Variants in TAF6 observed in about 807,000 individuals in gnomAD.
The protein encoded by TAF6 is TATA-box binding protein associated factor 6.
A neutral mutation model predicts 73.5 loss-of-function variants in TAF6; 50 were observed. That is an observed-to-expected ratio of 0.68 (90% CI 0.54 to 0.86). TAF6 has a LOEUF of 0.86. Ranked by LOEUF, TAF6 falls within the 40% of genes least tolerant of loss-of-function variation. The probability of loss-of-function intolerance (pLI) is 0.00; values close to 1 mark genes in which losing one functional copy is unlikely to be tolerated. For synonymous variants in TAF6, 424 were observed against 376.7 expected, an observed-to-expected ratio of 1.13 and a Z score of -1.45; for missense variants, 768 against 899.5, an observed-to-expected ratio of 0.85 and a Z score of 1.87.
chr7:100,112,399 GACCTCA>G, intron 6 of TAF6, 146 bp from the exon 7 acceptor site: 6 of 1,206,324 alleles, frequency 5.0e-6, no homozygotes, highest in Non-Finnish European at 6.8e-6. Context: ...CTCTGGCCCT[GACCTCA>G]GCCACTTCAC....
At chr7:100,115,956 CG>C (rs1263433928) in intron 1 of TAF6, among the ~76,000 whole-genome samples, 1 of 151,878 alleles carries the variant, frequency 6.6e-6, no homozygotes, top group Non-Finnish European at 1.5e-5. Context: ...GGCGACAGAG[CG>C]AGACTCTGTC....
upstream of TAF6, chr7:100,124,663 A>T (rs1562940120): frequency 9.9e-6 from 16 of 1,611,488 alleles, 1 homozygote; most frequent in African/African-American, 1.5e-4. Context: ...CTCTCCTGCC[A>T]AGCCATAGCC....
In TAF6 at chr7:100,108,496, G is replaced by A. The variant is rs775428705; in HGVS notation, c.1329C>T (p.Asp443=). 8 of 1,613,588 alleles carry A rather than the reference G, an allele frequency of 5.0e-6. No homozygotes were observed. The highest frequency in any genetic ancestry group is 4.0e-5 in the African/African-American group (3 of 74,934). ...PVLAKLRPPP[D]NQDAYRAEFG... is the part of the protein sequence containing the mutation. ...ATTCTGCCCGATAGGCGTCCTGATT[G>A]TCAGGCGGTGGGCGCAGCTTTGCCA... The change falls in exon 13 of 15, where the codon GAC becomes GAT. Residue 443 remains aspartate (D), a synonymous_variant. Transcript: ENST00000453269.
intron 6 of TAF6, among the ~76,000 whole-genome samples, chr7:100,112,586 G>GC: frequency 1.3e-5 from 2 of 152,282 alleles, no homozygotes; most frequent in South Asian, 4.1e-4. Flanking sequence ...GTGGTGGTGG[G>GC]CACCTGTAAG....
upstream of TAF6, chr7:100,122,305 C>A (rs143338443): frequency 5.0e-6 from 8 of 1,613,950 alleles, no homozygotes; most frequent in Admixed American, 1.7e-5. Context: ...TGAGTCGCAC[C>A]GGTCGATCTC....
rs1164745863 is a variant in TAF6 at position 100,108,036 on chromosome 7, G to A, written c.1546C>T (p.Pro516Ser). Residue 516 changes from proline to serine, a missense_variant, in exon 14 of 15, where the codon CCT (proline) becomes TCT (serine). By Grantham distance (74) the Pro-to-Ser change is moderately conservative (BLOSUM62 -1). Coordinates refer to ENST00000453269, the MANE Select transcript of TAF6 (RefSeq NM_139315.3). ...LLKVPGSIAL[P>S]VQTLVSARAA... Reference sequence around the variant, plus strand: ...CGTGCAGACACCAGTGTCTGGACAGGAAGTGCGATGGAGCCAGGAACCTTC... The same window carrying A: ...CGTGCAGACACCAGTGTCTGGACAGAAAGTGCGATGGAGCCAGGAACCTTC... The A allele has an allele frequency of 1.9e-6, 3 of 1,613,700 alleles. No homozygotes were observed. The highest frequency in any genetic ancestry group is 1.7e-6 in the Non-Finnish European group (2 of 1,179,954).
At chr7:100,124,502 C>G, upstream of TAF6, 1 of 1,595,048 alleles carries the variant, frequency 6.3e-7, no homozygotes. Context: ...TCTGGCCCTT[C>G]TACTTGACCA....
chr7:100,108,791 T>G (rs748680806), intron 12 of TAF6: 6 of 351,956 alleles, frequency 1.7e-5, no homozygotes, highest in South Asian at 6.8e-5. Flanking sequence ...ATCCCAGCAC[T>G]TGGGAGGCTG....
upstream of TAF6, among the ~76,000 whole-genome samples, chr7:100,123,132 A>G (rs1798117630): frequency 1.3e-5 from 2 of 152,126 alleles, no homozygotes; most frequent in Admixed American, 1.3e-4. Context: ...ACCTGAGGTC[A>G]TAAGTTCGAG....
At chr7:100,124,736 G>A, upstream of TAF6, 1 of 1,613,910 alleles carries the variant, frequency 6.2e-7, no homozygotes, top group Admixed American at 1.7e-5. Context: ...ATGTCTACAG[G>A]AAACTTGGAC....
At position 100,110,075 on chromosome 7, in the gene TAF6, T is replaced by C; in HGVS notation, c.1159-2A>G. ...GGGCAGAATCAGAGTCTTGATAACCTGTTAGAAGGGAAAAGGACAAGCAAA... is the reference window on the plus strand; with the variant it reads ...GGGCAGAATCAGAGTCTTGATAACCCGTTAGAAGGGAAAAGGACAAGCAAA... On this transcript the variant is annotated splice_acceptor_variant, in intron 11 of 14. Transcript: ENST00000453269. LOFTEE classifies it high-confidence loss of function. The C allele has an allele frequency of 6.2e-7, 1 of 1,614,020 alleles. No homozygotes were observed. The highest frequency in any genetic ancestry group is 8.5e-7 in the Non-Finnish European group (1 of 1,179,996).
chr7:100,124,077 C>T (rs546216690), upstream of TAF6, among the ~76,000 whole-genome samples: 1 of 151,342 alleles, frequency 6.6e-6, no homozygotes, highest in African/African-American at 2.4e-5. Context: ...GCGGAGGTTG[C>T]AGTGAGCTGA....
At chr7:100,119,691 C>G, upstream of TAF6, 1 of 1,613,902 alleles carries the variant, frequency 6.2e-7, no homozygotes, top group Non-Finnish European at 8.5e-7. Flanking sequence ...GGGACCCACA[C>G]TACCTTCCCG....
rs1045601165 is a variant in TAF6 at position 100,119,308 on chromosome 7, G to C, written c.-164C>G. The C allele has an allele frequency of 9.8e-7, 1 of 1,024,866 alleles. No homozygotes were observed. The highest frequency in any genetic ancestry group is 1.7e-5 in the African/African-American group (1 of 57,520). 63.5% of individuals were successfully genotyped at this position (1,024,866 alleles called of 1,614,324 possible). On this transcript the variant is annotated 5_prime_UTR_variant, in exon 1 of 15. Transcript: ENST00000453269. ...GCGCGGGGAGCAGGAAAACTCTAGCGGCAGCCGAGACGCTGCTCACCCGGC... is the reference window on the plus strand; with the variant it reads ...GCGCGGGGAGCAGGAAAACTCTAGCCGCAGCCGAGACGCTGCTCACCCGGC...
upstream of TAF6, chr7:100,122,049 G>GGA (rs1798088899): frequency 1.1e-3 from 342 of 314,264 alleles, no homozygotes; most frequent in Middle Eastern, 6.1e-3. Context: ...GAGTCCGTCT[G>GGA]AAAAAAAAAA....
chr7:100,122,142 A>G, upstream of TAF6: 1 of 1,322,218 alleles, frequency 7.6e-7, no homozygotes, highest in Admixed American at 2.1e-5. Flanking sequence ...ATTCCAACCC[A>G]GCCAGTCTGG....
intron 1 of TAF6, among the ~76,000 whole-genome samples, chr7:100,116,049 A>G (rs1169343595): frequency 6.6e-6 from 1 of 152,066 alleles, no homozygotes; most frequent in Non-Finnish European, 1.5e-5. Flanking sequence ...TCATCTATCC[A>G]CTGGGTAACT....
At chr7:100,120,624 C>G (rs1798008285), upstream of TAF6, among the ~76,000 whole-genome samples, 1 of 152,194 alleles carries the variant, frequency 6.6e-6, no homozygotes, top group Non-Finnish European at 1.5e-5. Flanking sequence ...TCTCTGTCTC[C>G]TTTCACCTCC....
upstream of TAF6, among the ~76,000 whole-genome samples, chr7:100,121,667 ACTC>A (rs946177866): frequency 4.9e-5 from 7 of 143,404 alleles, no homozygotes; most frequent in East Asian, 4.4e-4. Flanking sequence ...CTGGTCTTGA[ACTC>A]CTCAAGTGAT....
Sources: allele counts gnomAD v4.1 joint callset (sites outside exome capture counted in the v4.1 genomes callset), GRCh38; gene constraint gnomAD v4.1.1; transcripts MANE v1.5; gene names NCBI Gene and HGNC (gene_info 2026-07-23, HGNC 2026-07-21).